Variants in SLC7A5 observed in about 807,000 individuals in gnomAD.
SLC7A5 encodes the protein large neutral amino acids transporter small subunit 1.
In SLC7A5, 23 loss-of-function variants were observed where a neutral mutation model predicts 50.2. The ratio of observed to expected loss-of-function variants is 0.46; its 90% CI spans 0.33 to 0.65. SLC7A5 has a LOEUF of 0.65. Ranked by LOEUF, SLC7A5 falls within the 30% of genes least tolerant of loss-of-function variation. The probability of loss-of-function intolerance (pLI) is 0.02; values close to 1 mark genes in which losing one functional copy is unlikely to be tolerated. For missense variants in SLC7A5, 578 were observed against 684.4 expected, an observed-to-expected ratio of 0.84 and a Z score of 1.73; for synonymous variants, 393 against 330.6, an observed-to-expected ratio of 1.19 and a Z score of -2.05.
chr16:87,836,799 C>A, intron 7 of SLC7A5, 152 bp from the exon 8 acceptor site: 1 of 618,392 alleles, frequency 1.6e-6, no homozygotes, highest in Non-Finnish European at 2.9e-6. Flanking sequence ...GAGCAACATG[C>A]AAGGTCTTGA....
chr16:87,852,653 T>TGC lies in SLC7A5; in HGVS notation c.539-805_539-804insGC, dbSNP rs1426160663. On this transcript the variant is annotated intron_variant, in intron 1 of 9. Transcript: ENST00000261622. This position sits in a 1 kb window ranked among gnomAD's most constrained non-coding sequence, Gnocchi z 4.5. Reference sequence around the variant, plus strand: ...CTCTGAGCCTCTGTGTGTGTGTGTGTGTGTGTGTGTGTGTGTGTGTGTGTG... The same window carrying TGC: ...CTCTGAGCCTCTGTGTGTGTGTGTGTGCGTGTGTGTGTGTGTGTGTGTGTGTG... 3.2e-4 allele frequency among the ~76,000 whole-genome samples: 47 copies of TGC among 146,476 alleles called. No homozygotes were observed. Among genetic ancestry groups the TGC allele is most frequent in the Non-Finnish European group, 5.3e-4 (35 of 66,302 alleles).
At chr16:87,858,230 C>A (rs992222619) in intron 1 of SLC7A5, among the ~76,000 whole-genome samples, 1 of 152,218 alleles carries the variant, frequency 6.6e-6, no homozygotes, top group African/African-American at 2.4e-5. Flanking sequence ...CAGACTGGAA[C>A]AACTGCCTCC....
chr16:87,839,389 G>T (rs981888772), intron 5 of SLC7A5, among the ~76,000 whole-genome samples: 2 of 152,196 alleles, frequency 1.3e-5, no homozygotes, highest in African/African-American at 4.8e-5. Context: ...GATTTAAAAT[G>T]ACCTCTGCCC....
intron 2 of SLC7A5, among the ~76,000 whole-genome samples, chr16:87,851,476 T>TA (rs1274085437): frequency 1.3e-5 from 2 of 152,058 alleles, no homozygotes; most frequent in Non-Finnish European, 2.9e-5. Flanking sequence ...CATCGCAGCG[T>TA]AAAAAACAAG....
intron 1 of SLC7A5, among the ~76,000 whole-genome samples, chr16:87,857,698 G>T (rs1489588118): frequency 6.6e-6 from 1 of 152,226 alleles, no homozygotes; most frequent in Non-Finnish European, 1.5e-5. Context: ...TGATCCCAAG[G>T]CCCTGGCCCC....
At position 87,869,374 on chromosome 16, in the gene SLC7A5, C is replaced by G; in HGVS notation, c.49G>C (p.Glu17Gln). 6.3e-7 allele frequency: 1 copy of G among 1,599,938 alleles called. No individual in the cohort carries two copies. Among genetic ancestry groups the G allele is most frequent in the South Asian group, 1.1e-5 (1 of 90,382 alleles). Reference protein sequence around the residue: ...KRRALAAPAAEEKEEAREKML... With the variant: ...KRRALAAPAAQEKEEAREKML... ...TTCTCCCGCGCCTCTTCCTTCTCCTCGGCCGCCGGCGCCGCTAGCGCGCGC... is the reference window on the plus strand; with the variant it reads ...TTCTCCCGCGCCTCTTCCTTCTCCTGGGCCGCCGGCGCCGCTAGCGCGCGC... The change falls in exon 1 of 10, where the codon GAG (glutamate) becomes CAG (glutamine). Residue 17 changes from glutamate to glutamine, a missense_variant. Physicochemically the swap from Glu to Gln is conservative, Grantham distance 29. Coordinates refer to ENST00000261622, the MANE Select transcript of SLC7A5 (RefSeq NM_003486.7).
At chr16:87,865,039 T>C (rs2055443320) in intron 1 of SLC7A5, among the ~76,000 whole-genome samples, 2 of 152,150 alleles carry the variant, frequency 1.3e-5, no homozygotes, top group African/African-American at 4.8e-5. Context: ...TCTAATATCT[T>C]TCCCACCAGA....
intron 2 of SLC7A5, 85 bp downstream of exon 2, chr16:87,851,639 C>G: frequency 2.0e-6 from 3 of 1,533,398 alleles, no homozygotes; most frequent in Admixed American, 1.8e-5. Context: ...CTGGGAGGCA[C>G]CCGGGGACGG....
chr16:87,854,626 G>C (rs2055290972), intron 1 of SLC7A5, among the ~76,000 whole-genome samples: 1 of 152,248 alleles, frequency 6.6e-6, no homozygotes, highest in African/African-American at 2.4e-5. Flanking sequence ...TGAGCACACA[G>C]GGCCAGCCAC....
intron 1 of SLC7A5, among the ~76,000 whole-genome samples, chr16:87,866,610 C>T (rs540960495): frequency 2.9e-4 from 44 of 152,230 alleles, no homozygotes; most frequent in Middle Eastern, 3.4e-3. Flanking sequence ...GGATTACAGG[C>T]ATCTGCCACC....
At chr16:87,843,877 A>T (rs933086998) in intron 2 of SLC7A5, among the ~76,000 whole-genome samples, 1 of 152,136 alleles carries the variant, frequency 6.6e-6, no homozygotes, top group African/African-American at 2.4e-5. Flanking sequence ...TGCCGGGAGG[A>T]CAGGACCAGC....
At position 87,838,804 on chromosome 16, in the gene SLC7A5, T is replaced by C. The variant is rs2055045213; in HGVS notation, c.953A>G (p.Tyr318Cys). 3 of 1,613,786 alleles carry C rather than the reference T, an allele frequency of 1.9e-6. No homozygotes were observed. Among genetic ancestry groups the C allele is most frequent in the South Asian group, 2.2e-5 (2 of 91,086 alleles). ...SEAVAVDFGN[Y>C]HLGVMSWIIP... ...GATCCAGGACATGACGCCCAGGTGA[T>C]AGTTCCCGAAGTCCTAGGCAGGCAC... The change falls in exon 6 of 10, where the codon TAT becomes TGT. Residue 318 changes from tyrosine (Y) to cysteine (C), a missense_variant. Physicochemically the swap from Tyr to Cys is radical, Grantham distance 194. Transcript: ENST00000261622.
At chr16:87,839,927 C>CACAGAGGCTGGAG in intron 4 of SLC7A5, 102 bp from the exon 5 acceptor site, 1 of 1,496,088 alleles carries the variant, frequency 6.7e-7, no homozygotes, top group Non-Finnish European at 9.2e-7. Flanking sequence ...GTAGCTCCAG[C>CACAGAGGCTGGAG]CTCTGTGCTG....
At chr16:87,856,201 C>T (rs532168145) in intron 1 of SLC7A5, among the ~76,000 whole-genome samples, 1 of 152,358 alleles carries the variant, frequency 6.6e-6, no homozygotes, top group African/African-American at 2.4e-5. Context: ...AGGACTGCCT[C>T]CAGGAGTCAT....
In SLC7A5 at chr16:87,862,197, C is replaced by G. The variant is rs2143827259; in HGVS notation, c.538+6688G>C. Among the ~76,000 whole-genome samples the G allele has an allele frequency of 2.6e-5, 4 of 152,210 alleles. 1 individual carries two copies. In the Middle Eastern group the frequency reaches 0.01, roughly 388 times the overall value. ...GACTGAGAAGCGGGGCTACAGGTTA[C>G]AGGTGCTGGATACCCCAGCGGTTGG... On this transcript the variant is annotated intron_variant, in intron 1 of 9. Transcript: ENST00000261622. This position sits in a 1 kb window ranked among gnomAD's most constrained non-coding sequence, Gnocchi z 5.3.
chr16:87,855,538 C>T (rs1026447354), intron 1 of SLC7A5, among the ~76,000 whole-genome samples: 1 of 152,054 alleles, frequency 6.6e-6, no homozygotes, highest in South Asian at 2.1e-4. Flanking sequence ...CCTCTCCCCT[C>T]GGGGGGATGA....
chr16:87,844,086 G>C (rs933039633), intron 2 of SLC7A5, among the ~76,000 whole-genome samples: 3 of 152,184 alleles, frequency 2.0e-5, no homozygotes, highest in African/African-American at 7.2e-5. Context: ...AGGGAAGTGA[G>C]GAAGAGAATC....
intron 1 of SLC7A5, among the ~76,000 whole-genome samples, chr16:87,855,177 AG>A (rs904403657): frequency 6.6e-6 from 1 of 152,130 alleles, no homozygotes; most frequent in Non-Finnish European, 1.5e-5. Flanking sequence ...GTGGGCACCA[AG>A]GCCTCCCACT....
intron 5 of SLC7A5, 97 bp from the exon 6 acceptor site, chr16:87,838,914 T>C: frequency 1.1e-6 from 1 of 893,862 alleles, no homozygotes; most frequent in Non-Finnish European, 1.9e-6. Context: ...GCCCTCGCCC[T>C]CTGTGCTCAC....
Sources: gnomAD v4.1 joint callset for allele counts (sites outside exome capture counted in the v4.1 genomes callset) on GRCh38, gnomAD v4.1.1 for gene constraint, Gnocchi (gnomAD v3.1) non-coding constraint, MANE v1.5 for transcripts, NCBI Gene and HGNC (gene_info 2026-07-23, HGNC 2026-07-21) for gene names.